Variants in IL1RAPL1 observed in about 807,000 individuals in gnomAD.
The protein encoded by IL1RAPL1 is interleukin-1 receptor accessory protein-like 1.
IL1RAPL1 carries 3 observed loss-of-function variants against 48.4 expected under a neutral mutation model. The observed-to-expected ratio is 0.06, with a 90% CI of 0.03 to 0.16. IL1RAPL1 has a LOEUF of 0.16. IL1RAPL1 is among the 10% of genes least tolerant of loss of function. The pLI is 1.00. For synonymous variants in IL1RAPL1, 185 were observed against 187.7 expected, an observed-to-expected ratio of 0.99 and a Z score of 0.12; for missense variants, 349 against 530.6, an observed-to-expected ratio of 0.66 and a Z score of 3.36.
intron 2 of IL1RAPL1, among the ~76,000 whole-genome samples, chrX:29,045,409 C>A (rs1389486384): frequency 8.9e-6 from 1 of 111,798 alleles, no homozygotes; most frequent in Non-Finnish European, 1.9e-5. Flanking sequence ...ATGCAATTGC[C>A]AAGTAAAAAT....
chrX:29,472,382 A>G (rs772618133), intron 5 of IL1RAPL1, among the ~76,000 whole-genome samples: 1 of 110,747 alleles, frequency 9.0e-6, no homozygotes, highest in African/African-American at 3.3e-5. Flanking sequence ...TTTTCTTTTC[A>G]CTCACAAGAC....
intron 1 of IL1RAPL1, among the ~76,000 whole-genome samples, chrX:28,686,316 A>G (rs1462997358): frequency 8.9e-6 from 1 of 112,270 alleles, no homozygotes; most frequent in Non-Finnish European, 1.9e-5. Flanking sequence ...GGGAACCACT[A>G]GAATTTGATT....
intron 5 of IL1RAPL1, among the ~76,000 whole-genome samples, chrX:29,529,767 A>G (rs1288015820): frequency 1.8e-5 from 2 of 111,127 alleles, no homozygotes; most frequent in Non-Finnish European, 3.8e-5. Flanking sequence ...AATATGTACA[A>G]CATACTCTCG....
chrX:29,659,604 G>A (rs551754248), intron 5 of IL1RAPL1, among the ~76,000 whole-genome samples: 2 of 111,278 alleles, frequency 1.8e-5, no homozygotes, highest in East Asian at 2.8e-4. Flanking sequence ...ATTTCTCTTC[G>A]TGGTTTTTGT....
intron 1 of IL1RAPL1, among the ~76,000 whole-genome samples, chrX:28,720,600 G>A (rs1037990518): frequency 2.7e-5 from 3 of 111,683 alleles, no homozygotes; most frequent in African/African-American, 9.7e-5. Flanking sequence ...CAAAATGACT[G>A]ATTTTTTTTT....
At chrX:28,776,063 C>G (rs888745228) in intron 1 of IL1RAPL1, among the ~76,000 whole-genome samples, 1 of 111,928 alleles carries the variant, frequency 8.9e-6, no homozygotes, top group Non-Finnish European at 1.9e-5. Flanking sequence ...CCTGTTTCTT[C>G]TTATGTCTCT....
At chrX:29,320,155 CTTA>C (rs1461501965) in intron 3 of IL1RAPL1, among the ~76,000 whole-genome samples, 1 of 112,146 alleles carries the variant, frequency 8.9e-6, no homozygotes, top group African/African-American at 3.2e-5. Flanking sequence ...ATAAAGGTAT[CTTA>C]TTCTGTGGTT....
At chrX:29,308,955 A>G (rs762190143) in intron 3 of IL1RAPL1, among the ~76,000 whole-genome samples, 15 of 112,232 alleles carry the variant, frequency 1.3e-4, no homozygotes, top group Non-Finnish European at 2.6e-4. Flanking sequence ...CCCCATTGAA[A>G]TGCAAATTGG....
chrX:28,992,500 A>G (rs1925629913), intron 2 of IL1RAPL1, among the ~76,000 whole-genome samples: 1 of 107,267 alleles, frequency 9.3e-6, no homozygotes, highest in Non-Finnish European at 1.9e-5. Context: ...AAAAAAAAAA[A>G]AGAAAAAAAA....
chrX:29,761,083 G>A (rs1194533279), intron 6 of IL1RAPL1, among the ~76,000 whole-genome samples: 2 of 111,943 alleles, frequency 1.8e-5, no homozygotes, highest in Non-Finnish European at 3.8e-5. Flanking sequence ...GCTGTTTTAT[G>A]TACATTGCTA....
intron 6 of IL1RAPL1, among the ~76,000 whole-genome samples, chrX:29,740,116 AAAACAG>A (rs1928160327): frequency 4.3e-5 from 4 of 93,971 alleles, no homozygotes; most frequent in Non-Finnish European, 8.4e-5. Flanking sequence ...AAAAAACAAA[AAAACAG>A]AAAAAAAAAA....
chrX:29,347,114 C>T (rs148306312), intron 3 of IL1RAPL1, among the ~76,000 whole-genome samples: 81 of 110,614 alleles, frequency 7.3e-4, no homozygotes, highest in Non-Finnish European at 1.3e-3. Context: ...CTACCTTACC[C>T]GACCCTGTGG....
chrX:29,247,502 T>C (rs1039969495), intron 2 of IL1RAPL1, among the ~76,000 whole-genome samples: 2 of 111,284 alleles, frequency 1.8e-5, no homozygotes, highest in Admixed American at 9.5e-5. Context: ...AAAAACAGAA[T>C]TGGCCAGGTG....
At chrX:29,643,665 C>T (rs148004187) in intron 5 of IL1RAPL1, among the ~76,000 whole-genome samples, 117 of 111,604 alleles carry the variant, frequency 1.0e-3, no homozygotes, top group African/African-American at 3.5e-3. Context: ...CCTATTTGAT[C>T]GTATTTCTCA....
intron 6 of IL1RAPL1, among the ~76,000 whole-genome samples, chrX:29,700,720 A>C (rs1251300632): frequency 8.9e-6 from 1 of 111,737 alleles, no homozygotes; most frequent in Non-Finnish European, 1.9e-5. Flanking sequence ...TATGTTGACA[A>C]CTTTCTTTTT....
chrX:28,840,978 A>G (rs992358617), intron 2 of IL1RAPL1, among the ~76,000 whole-genome samples: 38 of 111,484 alleles, frequency 3.4e-4, no homozygotes, highest in African/African-American at 7.8e-4. Flanking sequence ...CAGTACGACA[A>G]TAGACATACT....
chrX:29,529,610 A>G (rs867668640), intron 5 of IL1RAPL1, among the ~76,000 whole-genome samples: 92 of 99,952 alleles, frequency 9.2e-4, no homozygotes, highest in Admixed American at 4.4e-3. Flanking sequence ...AAAAAAAAAA[A>G]AAAAACCCAA....
At chrX:28,982,426 A>C (rs1483149704) in intron 2 of IL1RAPL1, among the ~76,000 whole-genome samples, 4 of 112,015 alleles carry the variant, frequency 3.6e-5, no homozygotes, top group Non-Finnish European at 7.5e-5. Context: ...TGTGAGGATT[A>C]ACTGAGTCAT....
chrX:29,596,038 C>T (rs1006013325), intron 5 of IL1RAPL1, among the ~76,000 whole-genome samples: 1 of 111,339 alleles, frequency 9.0e-6, no homozygotes, highest in African/African-American at 3.3e-5. Flanking sequence ...TGTCAAAAAT[C>T]TAAGTATTTG....
Sources: gnomAD v4.1 joint callset for allele counts (sites outside exome capture counted in the v4.1 genomes callset) on GRCh38, gnomAD v4.1.1 for gene constraint, MANE v1.5 for transcripts, NCBI Gene and HGNC (gene_info 2026-07-23, HGNC 2026-07-21) for gene names.